Variants in RCSD1 observed in about 807,000 individuals in gnomAD.
The protein encoded by RCSD1 is capZ-interacting protein.
Under a neutral mutation model 42.5 loss-of-function variants are expected in RCSD1, and 26 were observed. The observed-to-expected ratio is 0.61, with a 90% CI of 0.45 to 0.85. RCSD1 has a LOEUF of 0.85. Among genes scored for constraint, RCSD1 ranks in the 40% least tolerant of loss-of-function variants. The pLI is 0.00. For synonymous variants in RCSD1, 220 were observed against 212.2 expected, an observed-to-expected ratio of 1.04 and a Z score of -0.32; for missense variants, 571 against 528.3, an observed-to-expected ratio of 1.08 and a Z score of -0.79.
rs1258782392 is a variant in RCSD1, at chr1:167,708,422, G to A, written c.*3726G>A. 6.6e-6 allele frequency among the ~76,000 whole-genome samples: 1 copy of A among 152,114 alleles called. No individual in the cohort carries two copies. Among genetic ancestry groups the A allele is most frequent in the East Asian group, 1.9e-4 (1 of 5,196 alleles). On this transcript the variant is annotated 3_prime_UTR_variant, in exon 7 of 7. Transcript: ENST00000367854. ...CAAGTTTTTGCTCGATGGACCACGT[G>A]AAAAAAGGATAAACAATGTCTCTAT...
intron 1 of RCSD1, among the ~76,000 whole-genome samples, chr1:167,674,836 T>C (rs573317149): frequency 6.6e-6 from 1 of 152,346 alleles, no homozygotes; most frequent in South Asian, 2.1e-4. Context: ...AATATTCCAC[T>C]GTATGGCTGT....
intron 6 of RCSD1, among the ~76,000 whole-genome samples, chr1:167,701,114 G>A (rs1396228817): frequency 2.6e-5 from 4 of 152,176 alleles, no homozygotes; most frequent in South Asian, 4.2e-4. Context: ...AACCTCAAGA[G>A]CACTCTCCTC....
chr1:167,692,961 T>C (rs1233067545), intron 4 of RCSD1, among the ~76,000 whole-genome samples: 1 of 138,092 alleles, frequency 7.2e-6, no homozygotes, highest in Non-Finnish European at 1.7e-5. Flanking sequence ...AGGGACCAGA[T>C]AGAAAAGACT....
At chr1:167,685,677 T>C (rs1659216931) in intron 3 of RCSD1, among the ~76,000 whole-genome samples, 167 bp downstream of exon 3, 5 of 152,162 alleles carry the variant, frequency 3.3e-5, no homozygotes. Flanking sequence ...TCCTGAATCG[T>C]TTACTTTGGA....
chr1:167,671,622 C>T (rs1409494018), intron 1 of RCSD1, among the ~76,000 whole-genome samples: 1 of 152,212 alleles, frequency 6.6e-6, no homozygotes, highest in Non-Finnish European at 1.5e-5. Flanking sequence ...CATTTTTTAC[C>T]TTCCATGATA....
intron 4 of RCSD1, among the ~76,000 whole-genome samples, chr1:167,693,336 C>A (rs1659421700): frequency 6.6e-6 from 1 of 152,226 alleles, no homozygotes. Flanking sequence ...CATCTGGGAC[C>A]ACCTGCCTCC....
Position 167,706,554 on chromosome 1 carries a change from G to A in RCSD1, c.*1858G>A, listed in dbSNP as rs1659761905. Among the ~76,000 whole-genome samples the A allele has an allele frequency of 6.6e-6, 1 of 152,142 alleles. No individual in the cohort carries two copies. Among genetic ancestry groups the A allele is most frequent in the Non-Finnish European group, 1.5e-5 (1 of 68,030 alleles). On this transcript the variant is annotated 3_prime_UTR_variant, in exon 7 of 7. Coordinates refer to ENST00000367854, the MANE Select transcript of RCSD1 (RefSeq NM_052862.4). ...TGAAACTGCATTTTTCTTCTGGAGG[G>A]TCTAAACATAGTAGCAGACGAGAGA...
Position 167,707,039 on chromosome 1 carries a change from T to C in RCSD1, c.*2343T>C, listed in dbSNP as rs1260928713. ...GTCATAGTCATTCTTCCACGATCTT[T>C]GTAGTCTAGCTTGAATTTCAAACTG... On this transcript the variant is annotated 3_prime_UTR_variant, in exon 7 of 7. Coordinates refer to ENST00000367854, the MANE Select transcript of RCSD1 (RefSeq NM_052862.4). Among the ~76,000 whole-genome samples the C allele has an allele frequency of 6.6e-6, 1 of 152,238 alleles. No homozygotes were observed. The highest frequency in any genetic ancestry group is 1.9e-4 in the East Asian group (1 of 5,200).
rs766372139 is a variant in RCSD1, at chr1:167,694,267, C to G, written c.439C>G (p.Pro147Ala). The change falls in exon 5 of 7, where the codon CCC (proline) becomes GCC (alanine). Residue 147 changes from proline to alanine, a missense_variant. Coordinates refer to ENST00000367854, the MANE Select transcript of RCSD1 (RefSeq NM_052862.4). ...GGAGGTGCCTGTCAGCTTCGACCAGCCCCCTGAAGGCAGTCATCTGCCCTG... is the reference window on the plus strand; with the variant it reads ...GGAGGTGCCTGTCAGCTTCGACCAGGCCCCTGAAGGCAGTCATCTGCCCTG... ...AEEVPVSFDQ[P>A]PEGSHLPCYN... 3 of 1,614,158 alleles carry G rather than the reference C, an allele frequency of 1.9e-6. No individual in the cohort carries two copies. Among genetic ancestry groups the G allele is most frequent in the Non-Finnish European group, 2.5e-6 (3 of 1,180,038 alleles).
In RCSD1 at chr1:167,652,762, A is replaced by G. The variant is rs150497329; in HGVS notation, c.6+22333A>G. 5.4e-3 allele frequency among the ~76,000 whole-genome samples: 820 copies of G among 152,242 alleles called. 9 individuals carry two copies. The highest frequency in any genetic ancestry group is 0.019 in the African/African-American group (780 of 41,528). ...TCATACACATCTCCATGTGTGAGAA[A>G]TGTTGGATATTCGTCATTTGTAATG... On this transcript the variant is annotated intron_variant, in intron 1 of 6. Transcript: ENST00000367854.
At chr1:167,636,524 A>G (rs1392370865) in intron 1 of RCSD1, among the ~76,000 whole-genome samples, 1 of 152,080 alleles carries the variant, frequency 6.6e-6, no homozygotes, top group Non-Finnish European at 1.5e-5. Context: ...CCCAGGCTGA[A>G]TCTTTTATAA....
At chr1:167,667,913 A>G (rs1276933032) in intron 1 of RCSD1, among the ~76,000 whole-genome samples, 6 of 152,144 alleles carry the variant, frequency 3.9e-5, no homozygotes, top group Non-Finnish European at 5.9e-5. Flanking sequence ...ACTATGGGCT[A>G]GGGGATGGAG....
Position 167,706,388 on chromosome 1 carries a change from A to G in RCSD1, c.*1692A>G, listed in dbSNP as rs1348038314. ...AAACAATACTTGGTTTTATTTATAT[A>G]TGTCTTTGGGTTGTTTATACACATG... On this transcript the variant is annotated 3_prime_UTR_variant, in exon 7 of 7. Transcript: ENST00000367854. The G allele has an allele frequency of 6.6e-6, 1 of 152,058 alleles. No individual in the cohort carries two copies. The highest frequency in any genetic ancestry group is 2.4e-5 in the African/African-American group (1 of 41,414). The allele number at this position is 152,058 out of a possible 1,614,324, so 9.4% of individuals were successfully genotyped here.
chr1:167,687,541 AAAG>A (rs896767250), intron 3 of RCSD1, among the ~76,000 whole-genome samples: 36 of 152,110 alleles, frequency 2.4e-4, no homozygotes, highest in African/African-American at 4.1e-4. Flanking sequence ...AAAAAAAAGA[AAAG>A]AAATTCACAT....
chr1:167,676,741 G>T (rs1658961652), intron 1 of RCSD1, among the ~76,000 whole-genome samples: 1 of 152,150 alleles, frequency 6.6e-6, no homozygotes, highest in South Asian at 2.1e-4. Flanking sequence ...TAAACCCACA[G>T]ACCCCCACCT....
chr1:167,631,912 T>A (rs1657710809), intron 1 of RCSD1, among the ~76,000 whole-genome samples: 1 of 152,208 alleles, frequency 6.6e-6, no homozygotes, highest in Admixed American at 6.5e-5. Context: ...GCCCAGCCAG[T>A]TGTCTTCAAG....
intron 1 of RCSD1, among the ~76,000 whole-genome samples, chr1:167,649,315 G>A (rs1182669279): frequency 1.3e-5 from 2 of 152,130 alleles, no homozygotes; most frequent in African/African-American, 2.4e-5. Flanking sequence ...GGCTTGATCC[G>A]GGAGGTGCCG....
chr1:167,658,304 C>T (rs1211819964), intron 1 of RCSD1, among the ~76,000 whole-genome samples: 2 of 152,212 alleles, frequency 1.3e-5, no homozygotes, highest in Non-Finnish European at 2.9e-5. Flanking sequence ...TAGAGATACA[C>T]ACACAAGGGG....
chr1:167,700,472 C>A (rs1659611956), intron 6 of RCSD1, among the ~76,000 whole-genome samples: 1 of 151,944 alleles, frequency 6.6e-6, no homozygotes, highest in Non-Finnish European at 1.5e-5. Context: ...CACAGTGAAA[C>A]CCCGTCTCTA....
Sources: gnomAD v4.1 joint callset for allele counts (sites outside exome capture counted in the v4.1 genomes callset) on GRCh38, gnomAD v4.1.1 for gene constraint, MANE v1.5 for transcripts, NCBI Gene and HGNC (gene_info 2026-07-23, HGNC 2026-07-21) for gene names.